STXBP5: variants seen among roughly 807,000 people sequenced by gnomAD.
STXBP5 encodes syntaxin binding protein 5, also known as syntaxin-binding protein 5.
A neutral mutation model predicts 152.4 loss-of-function variants in STXBP5; 50 were observed. That is an observed-to-expected ratio of 0.33 (90% confidence interval 0.26 to 0.42). The LOEUF is 0.42. Ranked by LOEUF, STXBP5 falls within the 10% of genes least tolerant of loss-of-function variation. The pLI is 1.00. For synonymous variants in STXBP5, 492 were observed against 494.7 expected, an observed-to-expected ratio of 0.99 and a Z score of 0.07; for missense variants, 1,167 against 1,388.6, an observed-to-expected ratio of 0.84 and a Z score of 2.54.
rs1026286224 is a variant in STXBP5, at chr6:147,389,455, A to T, written c.*4700A>T. On this transcript the variant is annotated 3_prime_UTR_variant, in exon 28 of 28. Transcript: ENST00000321680. ...ATAGGCACAATTCATTTACAAATTC[A>T]GTACAGTAGTCCAGGGCTACATGTA... 6.6e-6 allele frequency: 1 copy of T among 151,866 alleles called. No individual in the cohort carries two copies. The highest frequency in any genetic ancestry group is 2.4e-5 in the African/African-American group (1 of 41,444). The allele number at this position is 151,866 out of a possible 1,614,324, so 9.4% of individuals were successfully genotyped here.
chr6:147,373,320 C>T lies in STXBP5; in HGVS notation c.3082-411C>T, dbSNP rs186450242. ...GCAGAAGCTGCAAGTGAGCCAAGATCGCATCACTGCACTCCAACCTGGGTG... is the reference window on the plus strand; with the variant it reads ...GCAGAAGCTGCAAGTGAGCCAAGATTGCATCACTGCACTCCAACCTGGGTG... On this transcript the variant is annotated intron_variant, in intron 25 of 27. Transcript: ENST00000321680. Among the ~76,000 whole-genome samples the T allele has an allele frequency of 4.4e-4, 61 of 137,464 alleles. No individual in the cohort carries two copies. In the East Asian group the frequency reaches 0.011, roughly 24 times the overall value. 90.2% of individuals were successfully genotyped at this position (137,464 alleles called of 152,430 possible).
At chr6:147,310,047 A>C in intron 9 of STXBP5, 37 bp from the exon 10 acceptor site, 1 of 1,369,974 alleles carries the variant, frequency 7.3e-7, no homozygotes. Flanking sequence ...TATCTTTACT[A>C]TGCCATTAAT....
At chr6:147,355,408 AT>A (rs999439587) in intron 22 of STXBP5, among the ~76,000 whole-genome samples, 35 of 152,282 alleles carry the variant, frequency 2.3e-4, no homozygotes, top group African/African-American at 8.2e-4. Context: ...TTATGGCATG[AT>A]TGTATCAGGT....
intron 2 of STXBP5, among the ~76,000 whole-genome samples, chr6:147,232,611 T>C (rs186062358): frequency 1.8e-3 from 280 of 151,802 alleles, no homozygotes; most frequent in South Asian, 5.2e-3. Flanking sequence ...TGAGAAAAAA[T>C]CATTTCTCTG....
chr6:147,241,128 T>G (rs1324452413), intron 4 of STXBP5, among the ~76,000 whole-genome samples: 2 of 152,152 alleles, frequency 1.3e-5, no homozygotes, highest in African/African-American at 4.8e-5. Context: ...TTTAGAACAA[T>G]TTTAGATTTA....
chr6:147,216,757 T>C (rs1777189168), intron 2 of STXBP5, among the ~76,000 whole-genome samples: 1 of 152,220 alleles, frequency 6.6e-6, no homozygotes, highest in Non-Finnish European at 1.5e-5. Context: ...ATTGGAGCTA[T>C]GATTTTAACG....
intron 21 of STXBP5, chr6:147,351,891 G>C (rs757278526): frequency 1.0e-6 from 1 of 985,314 alleles, no homozygotes; most frequent in Non-Finnish European, 1.2e-6. Flanking sequence ...TTATGGACTA[G>C]CAGGGTCTGT....
intron 4 of STXBP5, among the ~76,000 whole-genome samples, chr6:147,249,820 A>C (rs1285472858): frequency 6.6e-6 from 1 of 152,204 alleles, no homozygotes; most frequent in African/African-American, 2.4e-5. Context: ...ATTCAGTCAC[A>C]CAGAGGGCCC....
intron 2 of STXBP5, among the ~76,000 whole-genome samples, chr6:147,217,467 A>G (rs1000473658): frequency 2.6e-5 from 4 of 152,210 alleles, no homozygotes; most frequent in Non-Finnish European, 5.9e-5. Flanking sequence ...AGTTTGAGCA[A>G]GTGGTTCCTT....
intron 2 of STXBP5, among the ~76,000 whole-genome samples, chr6:147,216,767 G>C (rs1014392484): frequency 1.3e-5 from 2 of 152,044 alleles, no homozygotes; most frequent in Non-Finnish European, 2.9e-5. Context: ...TGATTTTAAC[G>C]TGAGCATTCA....
intron 7 of STXBP5, among the ~76,000 whole-genome samples, chr6:147,275,374 C>G (rs910538629): frequency 1.3e-5 from 2 of 151,864 alleles, no homozygotes; most frequent in Non-Finnish European, 2.9e-5. Context: ...TGCGTTCATT[C>G]TGTCTTCACT....
At chr6:147,267,581 T>C (rs542285471) in intron 7 of STXBP5, among the ~76,000 whole-genome samples, 1 of 152,296 alleles carries the variant, frequency 6.6e-6, no homozygotes, top group Non-Finnish European at 1.5e-5. Context: ...TTCCCTTCCT[T>C]ACCTTACCTC....
chr6:147,269,752 C>T (rs559496807), intron 7 of STXBP5, among the ~76,000 whole-genome samples: 1 of 152,098 alleles, frequency 6.6e-6, no homozygotes, highest in Non-Finnish European at 1.5e-5. Flanking sequence ...AGGATTAATA[C>T]GCTTCAGGAA....
chr6:147,210,988 C>T (rs1180644426), intron 2 of STXBP5, among the ~76,000 whole-genome samples: 2 of 152,086 alleles, frequency 1.3e-5, no homozygotes, highest in East Asian at 3.9e-4. Context: ...TACTGAAAAG[C>T]ACTGTTCTTT....
At chr6:147,366,152 A>G (rs1298790694) in intron 25 of STXBP5, among the ~76,000 whole-genome samples, 1 of 152,230 alleles carries the variant, frequency 6.6e-6, no homozygotes, top group African/African-American at 2.4e-5. Flanking sequence ...TAAATTCGAG[A>G]GAAAAGAGCT....
chr6:147,355,193 G>A (rs918729888), intron 22 of STXBP5, among the ~76,000 whole-genome samples: 4 of 152,162 alleles, frequency 2.6e-5, no homozygotes, highest in African/African-American at 9.7e-5. Flanking sequence ...GTCAGCCATA[G>A]GAGGCAAACA....
intron 6 of STXBP5, among the ~76,000 whole-genome samples, chr6:147,263,978 G>T (rs56706301): frequency 1.3e-5 from 2 of 151,654 alleles, no homozygotes; most frequent in Non-Finnish European, 2.9e-5. Flanking sequence ...ATTTGCCATA[G>T]CATCTAACTT....
At chr6:147,324,929 T>C in intron 16 of STXBP5, 30 bp from the exon 17 acceptor site, 1 of 1,466,172 alleles carries the variant, frequency 6.8e-7, no homozygotes, top group Non-Finnish European at 9.1e-7. Flanking sequence ...TGAAAATGGT[T>C]TAAAGATACC....
intron 16 of STXBP5, among the ~76,000 whole-genome samples, chr6:147,320,653 A>G (rs1447452672): frequency 6.6e-6 from 1 of 151,928 alleles, no homozygotes; most frequent in Non-Finnish European, 1.5e-5. Flanking sequence ...GGTCACATAA[A>G]TGCAAATTCT....
Sources: gnomAD v4.1 joint callset for allele counts (sites outside exome capture counted in the v4.1 genomes callset) on GRCh38, gnomAD v4.1.1 for gene constraint, MANE v1.5 for transcripts, NCBI Gene and HGNC (gene_info 2026-07-23, HGNC 2026-07-21) for gene names.